The following SYCP1 variants were observed in gnomAD, a reference collection of about 807,000 sequenced individuals.
SYCP1 encodes cancer/testis antigen 8.
SYCP1 carries 64 observed loss-of-function variants against 153.1 expected under a neutral mutation model. The observed-to-expected ratio is 0.42, with a 90% CI of 0.34 to 0.51. The LOEUF (loss-of-function observed/expected upper bound fraction) is 0.51, where lower values mean the gene tolerates loss of function less well. Ranked by LOEUF, SYCP1 falls within the 20% of genes least tolerant of loss-of-function variation. SYCP1 has a pLI of 0.06. For missense variants in SYCP1, 997 were observed against 1,049.0 expected, an observed-to-expected ratio of 0.95 and a Z score of 0.68; for synonymous variants, 384 against 341.8, an observed-to-expected ratio of 1.12 and a Z score of -1.36.
At chr1:114,957,585 A>G (rs1256517608) in intron 27 of SYCP1, among the ~76,000 whole-genome samples, 1 of 152,212 alleles carries the variant, frequency 6.6e-6, no homozygotes, top group East Asian at 1.9e-4. Flanking sequence ...AAACTCAAAC[A>G]ATTCAATAGC....
chr1:114,906,616 A>G (rs987874478), intron 16 of SYCP1, among the ~76,000 whole-genome samples: 1 of 152,156 alleles, frequency 6.6e-6, no homozygotes, highest in Non-Finnish European at 1.5e-5. Context: ...CTTTGATCCC[A>G]TTTAGAAGTC....
chr1:114,897,656 A>T (rs996360767), intron 16 of SYCP1, among the ~76,000 whole-genome samples: 2 of 152,110 alleles, frequency 1.3e-5, no homozygotes, highest in Non-Finnish European at 2.9e-5. Flanking sequence ...AGGAGATAGG[A>T]GGAAAAAGGA....
chr1:114,981,605 T>C, intron 29 of SYCP1, 93 bp downstream of exon 29: 1 of 1,104,126 alleles, frequency 9.1e-7, no homozygotes, highest in South Asian at 1.6e-5. Context: ...CGCACACATA[T>C]ATAACTAGTT....
At position 114,875,172 on chromosome 1, in the gene SYCP1, ATATGTG is replaced by A. The variant is rs1320067559; in HGVS notation, c.657+610_657+615del. Among the ~76,000 whole-genome samples, 27 of 123,780 alleles carry A rather than the reference ATATGTG, an allele frequency of 2.2e-4. 2 individuals carry two copies. Among genetic ancestry groups the A allele is most frequent in the South Asian group, 9.9e-4 (4 of 4,048 alleles). The allele number at this position is 123,780 out of a possible 152,430, so 81.2% of individuals were successfully genotyped here. A position where few individuals can be genotyped will look rare whatever the true frequency, so the allele number is the denominator to read the frequency against. ...CATAAAGCTGCATGGCATGTATTTGATATGTGTGTGTGTGTGTGTGTGTGTGTGTGT... is the reference window on the plus strand; with the variant it reads ...CATAAAGCTGCATGGCATGTATTTGATGTGTGTGTGTGTGTGTGTGTGTGT... On this transcript the variant is annotated intron_variant, in intron 9 of 31. Coordinates refer to ENST00000369522, the MANE Select transcript of SYCP1 (RefSeq NM_003176.4).
Position 114,981,508 on chromosome 1 carries a change from C to G in SYCP1, c.2555C>G (p.Pro852Arg). 6.3e-7 allele frequency: 1 copy of G among 1,581,408 alleles called. No homozygotes were observed. Among genetic ancestry groups the G allele is most frequent in the Non-Finnish European group, 8.5e-7 (1 of 1,170,802 alleles). Residue 852 changes from proline to arginine, a missense_variant, in exon 29 of 32, where the codon CCA becomes CGA. Pro to Arg is a moderately radical substitution (Grantham distance 103). Coordinates refer to ENST00000369522, the MANE Select transcript of SYCP1 (RefSeq NM_003176.4). ...AAAAATACTTTATCTACACCATTGCCAAAGGTTTGTGTCTAAATTTTCCAT... is the reference window on the plus strand; with the variant it reads ...AAAAATACTTTATCTACACCATTGCGAAAGGTTTGTGTCTAAATTTTCCAT... The part of the protein sequence containing the change: ...SAKNTLSTPL[P>R]KAYTVKTPTK...
chr1:114,921,660 AC>A (rs1211092908), intron 20 of SYCP1, among the ~76,000 whole-genome samples: 3 of 151,616 alleles, frequency 2.0e-5, no homozygotes, highest in Non-Finnish European at 2.9e-5. Flanking sequence ...AAAAAAAAAA[AC>A]AAAAACAGAT....
intron 29 of SYCP1, among the ~76,000 whole-genome samples, chr1:114,983,343 C>A (rs1024501006): frequency 1.3e-5 from 2 of 151,952 alleles, no homozygotes; most frequent in Admixed American, 1.3e-4. Flanking sequence ...CCCAACTATT[C>A]ATCACTGCTT....
chr1:114,944,844 A>G (rs779360276), intron 24 of SYCP1, 28 bp from the exon 25 acceptor site: 20 of 1,477,710 alleles, frequency 1.4e-5, no homozygotes, highest in Non-Finnish European at 1.8e-5. Flanking sequence ...TTATTTTAAG[A>G]AACTTTTTTT....
chr1:114,921,885 A>T lies in SYCP1; in HGVS notation c.1719-1564A>T, dbSNP rs570249432. On this transcript the variant is annotated intron_variant, in intron 20 of 31. Coordinates refer to ENST00000369522, the MANE Select transcript of SYCP1 (RefSeq NM_003176.4). ...CTGAAAAAGTCTTTATTTCTCCTTC[A>T]TGTTTGAAGGATATTTTCACTGGAT... is the stretch of plus-strand genomic sequence containing the variant. Among the ~76,000 whole-genome samples, 3 of 152,144 alleles carry T rather than the reference A, an allele frequency of 2.0e-5. No individual in the cohort carries two copies. The East Asian group carries it at 5.8e-4, about 29-fold the overall frequency.
chr1:114,874,495 A>G lies in SYCP1; in HGVS notation c.599-11A>G, dbSNP rs1202376453. 1.3e-6 allele frequency: 2 copies of G among 1,495,316 alleles called. No homozygotes were observed. The highest frequency in any genetic ancestry group is 1.8e-6 in the Non-Finnish European group (2 of 1,093,450). The allele number at this position is 1,495,316 out of a possible 1,614,324, so 92.6% of individuals were successfully genotyped here. A position where few individuals can be genotyped will look rare whatever the true frequency, so the allele number is the denominator to read the frequency against. On this transcript the variant is annotated splice_polypyrimidine_tract_variant and intron_variant, in intron 8 of 31. Coordinates refer to ENST00000369522, the MANE Select transcript of SYCP1 (RefSeq NM_003176.4). ...TAAAATTTAATCTTGAAATTTTTAT[A>G]TTAACAATAGATGAATATGAACGGG... is the stretch of plus-strand genomic sequence containing the variant.
chr1:114,900,426 G>A (rs542623926), intron 16 of SYCP1, among the ~76,000 whole-genome samples: 6 of 152,004 alleles, frequency 3.9e-5, no homozygotes, highest in Admixed American at 6.5e-5. Flanking sequence ...GATTATAGGC[G>A]CCCACCACCA....
chr1:114,969,840 G>A (rs1324376501), intron 27 of SYCP1, among the ~76,000 whole-genome samples: 3 of 152,148 alleles, frequency 2.0e-5, no homozygotes, highest in South Asian at 2.1e-4. Flanking sequence ...TAGTATCTGG[G>A]CCAGGTAGCA....
At chr1:114,923,563 A>G (rs762659419) in intron 21 of SYCP1, 33 bp downstream of exon 21, 4 of 1,520,192 alleles carry the variant, frequency 2.6e-6, no homozygotes, top group Non-Finnish European at 3.6e-6. Flanking sequence ...TCGTATCACA[A>G]AATTTCAAAT....
intron 23 of SYCP1, among the ~76,000 whole-genome samples, chr1:114,933,972 G>A (rs549839544): frequency 6.6e-6 from 1 of 152,328 alleles, no homozygotes; most frequent in East Asian, 1.9e-4. Context: ...ATGGAACAAA[G>A]TTGGAAAACA....
chr1:114,961,029 T>TG (rs749241476), intron 27 of SYCP1, among the ~76,000 whole-genome samples: 5 of 152,228 alleles, frequency 3.3e-5, no homozygotes, highest in Non-Finnish European at 5.9e-5. Context: ...TCAGTCTTGC[T>TG]GCTTGTTATT....
chr1:114,969,742 G>A (rs1672358711), intron 27 of SYCP1, among the ~76,000 whole-genome samples: 1 of 152,116 alleles, frequency 6.6e-6, no homozygotes, highest in African/African-American at 2.4e-5. Flanking sequence ...CACCCACCCA[G>A]TTTTGTGCTT....
At chr1:114,935,877 A>G (rs1301699695) in intron 23 of SYCP1, among the ~76,000 whole-genome samples, 1 of 152,034 alleles carries the variant, frequency 6.6e-6, no homozygotes, top group Admixed American at 6.6e-5. Flanking sequence ...CACTGAGTAG[A>G]CCAAAAAGGT....
intron 15 of SYCP1, among the ~76,000 whole-genome samples, chr1:114,893,059 C>G (rs969973249): frequency 1.3e-5 from 2 of 152,166 alleles, no homozygotes; most frequent in Non-Finnish European, 2.9e-5. Flanking sequence ...TGACACATCT[C>G]TTTTGAATTC....
rs747783938 is a variant in SYCP1 at position 114,944,991 on chromosome 1, TTTC to T, written c.2154+15_2154+17del. On this transcript the variant is annotated intron_variant, in intron 25 of 31. Transcript: ENST00000369522. The stretch of plus-strand genomic sequence containing the variant: ...TTATGGAAAAACATAAGGTAATTTT[TTTC>T]TTCTTATATAATGAAAATTATTAAT... 4.0e-5 allele frequency: 62 copies of T among 1,539,066 alleles called. No homozygotes were observed. Among genetic ancestry groups the T allele is most frequent in the Non-Finnish European group, 5.2e-5 (59 of 1,139,612 alleles).
Sources: allele counts gnomAD v4.1 joint callset (sites outside exome capture counted in the v4.1 genomes callset), GRCh38; gene constraint gnomAD v4.1.1; transcripts MANE v1.5; gene names NCBI Gene and HGNC (gene_info 2026-07-23, HGNC 2026-07-21).